CDPF1: variants seen among roughly 807,000 people sequenced by gnomAD.
CDPF1 encodes cysteine-rich DPF motif domain-containing protein 1.
Under a neutral mutation model 8.3 loss-of-function variants are expected in CDPF1, and 8 were observed. The ratio of observed to expected loss-of-function variants is 0.96; its 90% CI spans 0.57 to 1.74. CDPF1 has a LOEUF of 1.74. CDPF1 is among the 40% of genes most tolerant of loss of function. The pLI, the probability that CDPF1 is intolerant of heterozygous loss-of-function variation, is 0.00. For missense variants in CDPF1, 151 were observed against 155.3 expected (o/e 0.97, Z 0.15); for synonymous variants, 62 against 62.9 (o/e 0.99, Z 0.07).
rs1174699149 is a variant in CDPF1, at chr22:46,248,248, A to T, written c.37T>A (p.Phe13Ile). The T allele has an allele frequency of 2.5e-6, 4 of 1,613,750 alleles. No individual in the cohort carries two copies. In the South Asian group the frequency reaches 4.4e-5, roughly 18 times the overall value. The change falls in exon 2 of 4, where the codon TTT becomes ATT. Residue 13 changes from phenylalanine to isoleucine, a missense_variant. Phe to Ile is a conservative substitution (Grantham distance 21). Transcript: ENST00000314567. This position sits in a 1 kb window ranked among gnomAD's most constrained non-coding sequence, Gnocchi z 4.1. ...GTCAAGGTACAGAGTTCACACTCAA[A>T]CACTCCCAGAGGACGGCACTCTACA... ...SHVECRPLGV[F>I]ECELCTLTAP...
Position 46,244,924 on chromosome 22 carries a change from C to A in CDPF1, c.*168G>T. The stretch of plus-strand genomic sequence containing the variant: ...ACCCTCTTGCTACAGCTCCCTGGGC[C>A]TGTGGCTGCTCCAAGCTGGACTCCA... On this transcript the variant is annotated 3_prime_UTR_variant, in exon 4 of 4. Coordinates refer to ENST00000314567, the MANE Select transcript of CDPF1 (RefSeq NM_207327.5). This position sits in a 1 kb window ranked among gnomAD's most constrained non-coding sequence, Gnocchi z 6.7. 1 of 796,238 alleles carries A rather than the reference C, an allele frequency of 1.3e-6. No homozygotes were observed. Among genetic ancestry groups the A allele is most frequent in the Non-Finnish European group, 2.0e-6 (1 of 510,086 alleles). The allele number at this position is 796,238 out of a possible 1,614,324, so 49.3% of individuals were successfully genotyped here.
At position 46,248,191 on chromosome 22, in the gene CDPF1, G is replaced by A. The variant is rs1283739440; in HGVS notation, c.94C>T (p.Pro32Ser). ...APYSYVGQKPPNTQSMVLLEE... is the reference protein window; with the variant it reads ...APYSYVGQKPSNTQSMVLLEE... Reference sequence around the variant, plus strand: ...ACTCACACCATCGACTGGGTGTTGGGGGGCTTCTGTCCCACATAGCTGTAC... The same window carrying A: ...ACTCACACCATCGACTGGGTGTTGGAGGGCTTCTGTCCCACATAGCTGTAC... Residue 32 changes from proline to serine, a missense_variant, in exon 2 of 4, where the codon CCC (proline) becomes TCC (serine). Coordinates refer to ENST00000314567, the MANE Select transcript of CDPF1 (RefSeq NM_207327.5). This position sits in a 1 kb window ranked among gnomAD's most constrained non-coding sequence, Gnocchi z 4.1. The A allele has an allele frequency of 6.2e-7, 1 of 1,613,216 alleles. No individual in the cohort carries two copies. Among genetic ancestry groups the A allele is most frequent in the South Asian group, 1.1e-5 (1 of 90,938 alleles).
In CDPF1 at chr22:46,246,738, A is replaced by T; in HGVS notation, c.225+372T>A. 1 of 1,602,766 alleles carries T rather than the reference A, an allele frequency of 6.2e-7. No homozygotes were observed. The highest frequency in any genetic ancestry group is 8.5e-7 in the Non-Finnish European group (1 of 1,175,168). ...ACAGGTCCCAAGCACAGGACCTGGC[A>T]CACAACAAGTGCTCATGAAAGGACA... On this transcript the variant is annotated intron_variant, in intron 3 of 3. Coordinates refer to ENST00000314567, the MANE Select transcript of CDPF1 (RefSeq NM_207327.5). The surrounding 1 kb of genome is among the most constrained non-coding windows in gnomAD (Gnocchi z 7.1).
In CDPF1 at chr22:46,244,714, GAC is replaced by G; in HGVS notation, c.*376_*377del. On this transcript the variant is annotated 3_prime_UTR_variant, in exon 4 of 4. Coordinates refer to ENST00000314567, the MANE Select transcript of CDPF1 (RefSeq NM_207327.5). The surrounding 1 kb of genome is among the most constrained non-coding windows in gnomAD (Gnocchi z 6.7). ...GCCACCTACAGTGCACCATGGCCCC[GAC>G]ACAGTGTGGCATCTCCCCCCACACG... 2 of 226,234 alleles carry G rather than the reference GAC, an allele frequency of 8.8e-6. No homozygotes were observed. Among genetic ancestry groups the G allele is most frequent in the Non-Finnish European group, 1.8e-5 (2 of 112,926 alleles). The allele number at this position is 226,234 out of a possible 1,614,324, so 14.0% of individuals were successfully genotyped here. A position where few individuals can be genotyped will look rare whatever the true frequency, so the allele number is the denominator to read the frequency against.
Position 46,246,700 on chromosome 22 carries a change from C to A in CDPF1, c.225+410G>T, listed in dbSNP as rs748890406. The A allele has an allele frequency of 5.7e-6, 9 of 1,592,368 alleles. No homozygotes were observed. Among genetic ancestry groups the A allele is most frequent in the Admixed American group, 5.2e-5 (3 of 57,200 alleles). On this transcript the variant is annotated intron_variant, in intron 3 of 3. Coordinates refer to ENST00000314567, the MANE Select transcript of CDPF1 (RefSeq NM_207327.5). This position sits in a 1 kb window ranked among gnomAD's most constrained non-coding sequence, Gnocchi z 7.1. ...GACTAAGGGGCAGGACTGAATGAAGCCTCAGCAGTAAAACAGGTCCCAAGC... is the reference window on the plus strand; with the variant it reads ...GACTAAGGGGCAGGACTGAATGAAGACTCAGCAGTAAAACAGGTCCCAAGC...
At position 46,244,857 on chromosome 22, in the gene CDPF1, C is replaced by T. The variant is rs1046216071; in HGVS notation, c.*235G>A. ...TGAGGGGCATGTGGGGGGACCTGGC[C>T]GGGTTCCTGGCTGTGTCTTGTCTGG... On this transcript the variant is annotated 3_prime_UTR_variant, in exon 4 of 4. Transcript: ENST00000314567. The surrounding 1 kb of genome is among the most constrained non-coding windows in gnomAD (Gnocchi z 6.7). 7.8e-6 allele frequency: 4 copies of T among 513,656 alleles called. No individual in the cohort carries two copies. The highest frequency in any genetic ancestry group is 1.4e-5 in the Non-Finnish European group (4 of 284,882). 31.8% of individuals were successfully genotyped at this position (513,656 alleles called of 1,614,324 possible). A position where few individuals can be genotyped will look rare whatever the true frequency, so the allele number is the denominator to read the frequency against.
chr22:46,247,357 G>A lies in CDPF1; in HGVS notation c.114-136C>T. The A allele has an allele frequency of 1.6e-6, 1 of 644,800 alleles. No individual in the cohort carries two copies. The highest frequency in any genetic ancestry group is 2.5e-4 in the Middle Eastern group (1 of 3,982). The allele number at this position is 644,800 out of a possible 1,614,324, so 39.9% of individuals were successfully genotyped here. A position where few individuals can be genotyped will look rare whatever the true frequency, so the allele number is the denominator to read the frequency against. The stretch of plus-strand genomic sequence containing the variant: ...CCTGCGTGGGCTCATCAGGGCAGGG[G>A]ACTAGGCCACCCGTGCTGCAGGGCA... On this transcript the variant is annotated intron_variant, in intron 2 of 3. Transcript: ENST00000314567. The surrounding 1 kb of genome is among the most constrained non-coding windows in gnomAD (Gnocchi z 4.3).
chr22:46,244,818 T>TC lies in CDPF1; in HGVS notation c.*273dup, dbSNP rs1314676714. On this transcript the variant is annotated 3_prime_UTR_variant, in exon 4 of 4. Transcript: ENST00000314567. This position sits in a 1 kb window ranked among gnomAD's most constrained non-coding sequence, Gnocchi z 6.7. The stretch of plus-strand genomic sequence containing the variant: ...TCAGTCACATCTGAGCAGCACTCAC[T>TC]CAGGCCTGGGCCCTGAGGGGCATGT... The TC allele has an allele frequency of 2.3e-6, 1 of 432,934 alleles. No homozygotes were observed. The highest frequency in any genetic ancestry group is 2.0e-5 in the African/African-American group (1 of 50,174). 26.8% of individuals were successfully genotyped at this position (432,934 alleles called of 1,614,324 possible).
rs1420489804 is a variant in CDPF1 at position 46,249,185 on chromosome 22, CTTT to C, written c.1-904_1-902del. ...AATTTTGCTGATTACCCAGCTCCTT[CTTT>C]GACTATGGAATCAAGTACGACATTA... On this transcript the variant is annotated intron_variant, in intron 1 of 3. Transcript: ENST00000314567. This position sits in a 1 kb window ranked among gnomAD's most constrained non-coding sequence, Gnocchi z 4.6. 6.6e-6 allele frequency among the ~76,000 whole-genome samples: 1 copy of C among 152,160 alleles called. No homozygotes were observed. The highest frequency in any genetic ancestry group is 1.5e-5 in the Non-Finnish European group (1 of 68,034).
chr22:46,246,640 C>A lies in CDPF1; in HGVS notation c.225+470G>T. 1.3e-6 allele frequency: 2 copies of A among 1,545,684 alleles called. No homozygotes were observed. Among genetic ancestry groups the A allele is most frequent in the South Asian group, 1.2e-5 (1 of 83,606 alleles). On this transcript the variant is annotated intron_variant, in intron 3 of 3. Coordinates refer to ENST00000314567, the MANE Select transcript of CDPF1 (RefSeq NM_207327.5). The surrounding 1 kb of genome is among the most constrained non-coding windows in gnomAD (Gnocchi z 7.1). ...CCTCTCTGAAGCTCAGTTCCCTCAT[C>A]TATAAAATGGGTGGAATATAATACT...
rs991955851 is a variant in CDPF1 at position 46,245,993 on chromosome 22, G to A, written c.226-755C>T. Among the ~76,000 whole-genome samples, 1 of 152,166 alleles carries A rather than the reference G, an allele frequency of 6.6e-6. No individual in the cohort carries two copies. The highest frequency in any genetic ancestry group is 2.4e-5 in the African/African-American group (1 of 41,430). ...ATAGAGACTCTGCTGAAGACAACAGGGGTGCCCTTCCAGCCAAGGCCACCA... is the reference window on the plus strand; with the variant it reads ...ATAGAGACTCTGCTGAAGACAACAGAGGTGCCCTTCCAGCCAAGGCCACCA... On this transcript the variant is annotated intron_variant, in intron 3 of 3. Coordinates refer to ENST00000314567, the MANE Select transcript of CDPF1 (RefSeq NM_207327.5). This position sits in a 1 kb window ranked among gnomAD's most constrained non-coding sequence, Gnocchi z 6.9.
rs1202060715 is a variant in CDPF1, at chr22:46,249,058, T to C, written c.1-774A>G. Reference sequence around the variant, plus strand: ...AAAAAACTGTTTTCTTATCTGCTTGTATGGAACCCCCTTCTCATGTTCATG... The same window carrying C: ...AAAAAACTGTTTTCTTATCTGCTTGCATGGAACCCCCTTCTCATGTTCATG... On this transcript the variant is annotated intron_variant, in intron 1 of 3. Coordinates refer to ENST00000314567, the MANE Select transcript of CDPF1 (RefSeq NM_207327.5). The surrounding 1 kb of genome is among the most constrained non-coding windows in gnomAD (Gnocchi z 4.6). Among the ~76,000 whole-genome samples, 1 of 151,558 alleles carries C rather than the reference T, an allele frequency of 6.6e-6. No homozygotes were observed. Among genetic ancestry groups the C allele is most frequent in the Non-Finnish European group, 1.5e-5 (1 of 68,002 alleles).
rs1316339780 is a variant in CDPF1 at position 46,247,216 on chromosome 22, A to G, written c.119T>C (p.Leu40Pro). 1 of 1,607,170 alleles carries G rather than the reference A, an allele frequency of 6.2e-7. No individual in the cohort carries two copies. Among genetic ancestry groups the G allele is most frequent in the South Asian group, 1.1e-5 (1 of 90,758 alleles). The part of the protein sequence containing the change: ...KPPNTQSMVL[L>P]EESYVMKDPF... Reference sequence around the variant, plus strand: ...ATCCTTCATGACATAGCTTTCCTCCAGGAGGCTGCAGGAGAGTGAATGCAG... The same window carrying G: ...ATCCTTCATGACATAGCTTTCCTCCGGGAGGCTGCAGGAGAGTGAATGCAG... The change falls in exon 3 of 4, where the codon CTG (leucine) becomes CCG (proline). Residue 40 changes from leucine (L) to proline (P), a missense_variant. By Grantham distance (98) the Leu-to-Pro change is moderately conservative. Coordinates refer to ENST00000314567, the MANE Select transcript of CDPF1 (RefSeq NM_207327.5). The surrounding 1 kb of genome is among the most constrained non-coding windows in gnomAD (Gnocchi z 4.3).
At position 46,248,092 on chromosome 22, in the gene CDPF1, T is replaced by C. The variant is rs1252448627; in HGVS notation, c.113+80A>G. The C allele has an allele frequency of 6.5e-6, 6 of 920,334 alleles. No individual in the cohort carries two copies. Among genetic ancestry groups the C allele is most frequent in the Non-Finnish European group, 8.5e-6 (5 of 585,450 alleles). 57.0% of individuals were successfully genotyped at this position (920,334 alleles called of 1,614,324 possible). On this transcript the variant is annotated intron_variant, in intron 2 of 3. Transcript: ENST00000314567. This position sits in a 1 kb window ranked among gnomAD's most constrained non-coding sequence, Gnocchi z 4.1. ...TCTAAAGCTCCACACCTGAGACAGT[T>C]GTCAGACCTAGGCACACCACCCACC... is the stretch of plus-strand genomic sequence containing the variant.
rs1936471979 is a variant in CDPF1 at position 46,245,320 on chromosome 22, C to T, written c.226-82G>A. 3 of 1,508,040 alleles carry T rather than the reference C, an allele frequency of 2.0e-6. No homozygotes were observed. The highest frequency in any genetic ancestry group is 3.7e-5 in the Admixed American group (2 of 53,532). The allele number at this position is 1,508,040 out of a possible 1,614,324, so 93.4% of individuals were successfully genotyped here. On this transcript the variant is annotated intron_variant, in intron 3 of 3. Coordinates refer to ENST00000314567, the MANE Select transcript of CDPF1 (RefSeq NM_207327.5). The surrounding 1 kb of genome is among the most constrained non-coding windows in gnomAD (Gnocchi z 6.9). ...CTCCCAGGGGCCAGCCCTTCCCACA[C>T]TTGGGGGGCTGGGCTGGGGCCCCAG... is the stretch of plus-strand genomic sequence containing the variant.
At position 46,247,045 on chromosome 22, in the gene CDPF1, C is replaced by T. The variant is rs1169173321; in HGVS notation, c.225+65G>A. 3 of 1,406,108 alleles carry T rather than the reference C, an allele frequency of 2.1e-6. No individual in the cohort carries two copies. In the African/African-American group the frequency reaches 4.3e-5, roughly 20 times the overall value. 87.1% of individuals were successfully genotyped at this position (1,406,108 alleles called of 1,614,324 possible). On this transcript the variant is annotated intron_variant, in intron 3 of 3. Transcript: ENST00000314567. The surrounding 1 kb of genome is among the most constrained non-coding windows in gnomAD (Gnocchi z 4.3). ...GCTCCCTCTCTCCCAGCCCTCCCTA[C>T]CCAGGGAGAGCTCCAGGATAACCAC...
chr22:46,246,305 C>G lies in CDPF1; in HGVS notation c.225+805G>C, dbSNP rs538160051. 2.0e-5 allele frequency among the ~76,000 whole-genome samples: 3 copies of G among 152,052 alleles called. No individual in the cohort carries two copies. In the East Asian group the frequency reaches 5.8e-4, roughly 30 times the overall value. On this transcript the variant is annotated intron_variant, in intron 3 of 3. Transcript: ENST00000314567. This position sits in a 1 kb window ranked among gnomAD's most constrained non-coding sequence, Gnocchi z 7.1. ...AAGGCCAAGGTGTTGCATTCAAGAC[C>G]TCCACCTCCCCACCTGGCCCACCCA... is the stretch of plus-strand genomic sequence containing the variant.
chr22:46,245,366 G>T lies in CDPF1; in HGVS notation c.226-128C>A. On this transcript the variant is annotated intron_variant, in intron 3 of 3. Coordinates refer to ENST00000314567, the MANE Select transcript of CDPF1 (RefSeq NM_207327.5). This position sits in a 1 kb window ranked among gnomAD's most constrained non-coding sequence, Gnocchi z 6.9. ...CCCAGCATGCACAGTGTGGGCAGGT[G>T]GCCAGAGCTAGACCAGCAAGAGGGA... 1.1e-6 allele frequency: 1 copy of T among 945,278 alleles called. No individual in the cohort carries two copies. The highest frequency in any genetic ancestry group is 1.6e-6 in the Non-Finnish European group (1 of 638,366). 58.6% of individuals were successfully genotyped at this position (945,278 alleles called of 1,614,324 possible). A position where few individuals can be genotyped will look rare whatever the true frequency, so the allele number is the denominator to read the frequency against.
rs1395155085 is a variant in CDPF1, at chr22:46,249,389, C to T, written c.-1+867G>A. Among the ~76,000 whole-genome samples the T allele has an allele frequency of 6.6e-6, 1 of 152,208 alleles. No homozygotes were observed. The highest frequency in any genetic ancestry group is 1.9e-4 in the East Asian group (1 of 5,184). On this transcript the variant is annotated intron_variant, in intron 1 of 3. Transcript: ENST00000314567. The surrounding 1 kb of genome is among the most constrained non-coding windows in gnomAD (Gnocchi z 4.6). ...TCTGGCCCGGTGTGGTTGCTCATAC[C>T]TGTAATCCCAGCACTCTGGTAGCCA...
Sources: gnomAD v4.1 joint callset for allele counts (sites outside exome capture counted in the v4.1 genomes callset) on GRCh38, gnomAD v4.1.1 for gene constraint, Gnocchi (gnomAD v3.1) non-coding constraint, MANE v1.5 for transcripts, NCBI Gene and HGNC (gene_info 2026-07-23, HGNC 2026-07-21) for gene names.